Variants in GRIP1 observed in about 807,000 individuals in gnomAD.
The protein encoded by GRIP1 is glutamate receptor-interacting protein 1.
GRIP1 carries 45 observed loss-of-function variants against 129.9 expected under a neutral mutation model. The observed-to-expected ratio is 0.35, with a 90% CI of 0.27 to 0.44. GRIP1 has a LOEUF of 0.44. Ranked by LOEUF, GRIP1 falls within the 20% of genes least tolerant of loss-of-function variation. GRIP1 has a pLI of 1.00. For missense variants in GRIP1, 1,196 were observed against 1,396.8 expected, an observed-to-expected ratio of 0.86 and a Z score of 2.29; for synonymous variants, 530 against 520.8, an observed-to-expected ratio of 1.02 and a Z score of -0.24.
chr12:66,633,952 T>A (rs957412582), intron 1 of GRIP1, among the ~76,000 whole-genome samples: 2 of 152,240 alleles, frequency 1.3e-5, no homozygotes, highest in African/African-American at 4.8e-5. Context: ...CTCAGGTGGA[T>A]GAGAGGCATA....
chr12:66,505,390 G>T (rs1242308829), intron 7 of GRIP1, among the ~76,000 whole-genome samples: 1 of 152,274 alleles, frequency 6.6e-6, no homozygotes, highest in African/African-American at 2.4e-5. Context: ...AATTGATTCT[G>T]CCAACAACCT....
intron 1 of GRIP1, among the ~76,000 whole-genome samples, chr12:66,972,910 G>A (rs7132109): frequency 0.28 from 42,523 of 151,990 alleles, 7,531 homozygotes; most frequent in Non-Finnish European, 0.38. Context: ...ATTCTCAAAG[G>A]AACTCCTGGC....
rs573224409 is a variant in GRIP1 at position 66,861,767 on chromosome 12, T to C, written c.58+207283A>G. Reference sequence around the variant, plus strand: ...ATAAAAACTATAATTTTCTAATCTATTTCACTTCTGAAAACAGGCTCCTCT... The same window carrying C: ...ATAAAAACTATAATTTTCTAATCTACTTCACTTCTGAAAACAGGCTCCTCT... On this transcript the variant is annotated intron_variant, in intron 1 of 1. Transcript: ENST00000643019. Among the ~76,000 whole-genome samples, 4 of 152,222 alleles carry C rather than the reference T, an allele frequency of 2.6e-5. No homozygotes were observed. In the South Asian group the frequency reaches 6.2e-4, roughly 24 times the overall value.
At chr12:66,953,318 G>A (rs1337470892) in intron 1 of GRIP1, among the ~76,000 whole-genome samples, 2 of 152,274 alleles carry the variant, frequency 1.3e-5, no homozygotes, top group Admixed American at 6.5e-5. Context: ...GAGGCCAGAG[G>A]ATGATGATAG....
At chr12:67,013,352 A>G (rs978606053) in intron 1 of GRIP1, among the ~76,000 whole-genome samples, 1 of 152,178 alleles carries the variant, frequency 6.6e-6, no homozygotes, top group African/African-American at 2.4e-5. Flanking sequence ...TAAACAATGA[A>G]CATATATTAC....
chr12:66,631,997 G>A (rs535535341), intron 1 of GRIP1, among the ~76,000 whole-genome samples: 216 of 152,224 alleles, frequency 1.4e-3, no homozygotes, highest in African/African-American at 4.3e-3. Context: ...ATACTGAGAG[G>A]ATCTCAGGAG....
chr12:66,810,373 C>T (rs1287129067), intron 1 of GRIP1, among the ~76,000 whole-genome samples: 3 of 152,110 alleles, frequency 2.0e-5, no homozygotes, highest in Non-Finnish European at 4.4e-5. Flanking sequence ...GCCTGGCCAA[C>T]ATGGTGAAAC....
At position 66,688,778 on chromosome 12, in the gene GRIP1, A is replaced by T. The variant is rs188231195; in HGVS notation, c.-419-58442T>A. Reference sequence around the variant, plus strand: ...TCACCAATCACTGACTCTGAAAAAAAAAAAAAAGGAAAGGCATTTTATTTT... The same window carrying T: ...TCACCAATCACTGACTCTGAAAAAATAAAAAAAGGAAAGGCATTTTATTTT... On this transcript the variant is annotated intron_variant, in intron 1 of 4. Coordinates refer to the GRIP1 transcript ENST00000538373. Among the ~76,000 whole-genome samples the T allele has an allele frequency of 3.0e-3, 455 of 152,240 alleles. 1 individual carries two copies. The highest frequency in any genetic ancestry group is 0.01 in the African/African-American group (434 of 41,546).
intron 13 of GRIP1, among the ~76,000 whole-genome samples, chr12:66,435,708 T>C (rs1189981164): frequency 1.3e-5 from 2 of 152,220 alleles, no homozygotes; most frequent in African/African-American, 4.8e-5. Flanking sequence ...ATTTTGCTTT[T>C]ATAAATTTTT....
chr12:66,561,672 C>A (rs1271419350), intron 2 of GRIP1, among the ~76,000 whole-genome samples: 2 of 152,052 alleles, frequency 1.3e-5, no homozygotes, highest in African/African-American at 4.8e-5. Context: ...GTCACTAAAT[C>A]CTTGTGTGCC....
At chr12:66,383,548 T>C (rs941002636) in intron 19 of GRIP1, among the ~76,000 whole-genome samples, 3 of 152,150 alleles carry the variant, frequency 2.0e-5, no homozygotes, top group Non-Finnish European at 2.9e-5. Context: ...GAAAAGAACA[T>C]TGGGCATGTC....
chr12:67,023,697 A>G (rs745749310), intron 1 of GRIP1, among the ~76,000 whole-genome samples: 2 of 152,126 alleles, frequency 1.3e-5, no homozygotes, highest in Non-Finnish European at 2.9e-5. Flanking sequence ...CTATAGATTA[A>G]GCAGTGGAAT....
At chr12:66,717,490 A>T (rs2035927410) in intron 1 of GRIP1, among the ~76,000 whole-genome samples, 1 of 152,154 alleles carries the variant, frequency 6.6e-6, no homozygotes, top group Non-Finnish European at 1.5e-5. Context: ...GTATACACAG[A>T]TGCAATGACA....
At chr12:66,871,642 C>G (rs2040298363) in intron 1 of GRIP1, among the ~76,000 whole-genome samples, 1 of 152,056 alleles carries the variant, frequency 6.6e-6, no homozygotes, top group African/African-American at 2.4e-5. Flanking sequence ...CATACTGGGC[C>G]AAGAGACAGG....
At chr12:66,523,422 C>A (rs376113912) in intron 5 of GRIP1, among the ~76,000 whole-genome samples, 42 of 148,692 alleles carry the variant, frequency 2.8e-4, no homozygotes, top group Middle Eastern at 3.4e-3. Flanking sequence ...TCATATCCAG[C>A]CAAACTAAGC....
At chr12:66,392,127 A>T (rs540784564) in intron 19 of GRIP1, among the ~76,000 whole-genome samples, 181 bp downstream of exon 19, 1 of 152,228 alleles carries the variant, frequency 6.6e-6, no homozygotes, top group Non-Finnish European at 1.5e-5. Flanking sequence ...CCTTATAAGC[A>T]CTAGAAGAAA....
In GRIP1 at chr12:66,371,914, G is replaced by A. The variant is rs200171461; in HGVS notation, c.2792C>T (p.Ser931Leu). The A allele has an allele frequency of 3.8e-5, 61 of 1,608,356 alleles. No individual in the cohort carries two copies. In the East Asian group the frequency reaches 4.9e-4, roughly 13 times the overall value. Residue 931 changes from serine (S) to leucine (L), a missense_variant, in exon 23 of 25, where the codon TCG becomes TTG. Around this residue, in one of 5 missense-constraint regions of GRIP1, gnomAD observed 427 missense variants for 463.3 expected, o/e 0.92. Coordinates refer to ENST00000359742, the MANE Select transcript of GRIP1 (RefSeq NM_001366722.1). ...RNMTLLATIM[S>L]GSTMSLNHEA... ...ATGATTCAAACTCATCGTGCTCCCC[G>A]ACATGATTGTTGCCTGTGGCATTGA...
intron 24 of GRIP1, among the ~76,000 whole-genome samples, chr12:66,351,449 T>C (rs2054214933): frequency 6.6e-6 from 1 of 152,148 alleles, no homozygotes; most frequent in Non-Finnish European, 1.5e-5. Flanking sequence ...TGAGAGATAC[T>C]GAGATATCAA....
intron 1 of GRIP1, among the ~76,000 whole-genome samples, chr12:67,028,242 T>G (rs1592487398): frequency 6.6e-6 from 1 of 152,218 alleles, no homozygotes; most frequent in Non-Finnish European, 1.5e-5. Flanking sequence ...TCCTGTTATA[T>G]CCTTTTAGCA....
Sources: allele counts gnomAD v4.1 joint callset (sites outside exome capture counted in the v4.1 genomes callset), GRCh38; gene constraint gnomAD v4.1.1; regional missense constraint gnomAD v4.1.1; transcripts MANE v1.5; gene names NCBI Gene and HGNC (gene_info 2026-07-23, HGNC 2026-07-21).